Variants in REC114 observed in about 807,000 individuals in gnomAD.
The protein encoded by REC114 is REC114 meiotic recombination protein.
A neutral mutation model predicts 31.3 loss-of-function variants in REC114; 27 were observed. The ratio of observed to expected loss-of-function variants is 0.86; its 90% CI spans 0.64 to 1.19. REC114 has a LOEUF of 1.19. REC114 is among the 50% of genes most tolerant of loss of function. The pLI, the probability that REC114 is intolerant of heterozygous loss-of-function variation, is 0.00. For missense variants in REC114, 344 were observed against 326.9 expected, an observed-to-expected ratio of 1.05 and a Z score of -0.40; for synonymous variants, 134 against 127.7, an observed-to-expected ratio of 1.05 and a Z score of -0.33.
At chr15:73,506,580 T>C (rs1893680634) in intron 2 of REC114, among the ~76,000 whole-genome samples, 1 of 152,216 alleles carries the variant, frequency 6.6e-6, no homozygotes, top group Non-Finnish European at 1.5e-5. Context: ...GTAAATATGC[T>C]TGGTTTGCTG....
At position 73,540,562 on chromosome 15, in the gene REC114, G is replaced by A. The variant is rs769914170; in HGVS notation, c.327G>A (p.Thr109=). 3.1e-6 allele frequency: 5 copies of A among 1,611,730 alleles called. No individual in the cohort carries two copies. The South Asian group carries it at 4.4e-5, about 14-fold the overall frequency. ...TGGATTGTCTGTTGTTTGGAACAAC[G>A]ATAAAGGCAAGATTTAAGCTAATGA... ...RRVDCLLFGT[T]IKDKSRLFRV... is the part of the protein sequence containing the mutation. The change falls in exon 3 of 6, where the codon ACG becomes ACA. Residue 109 remains threonine (T), a synonymous_variant. Transcript: ENST00000331090.
At chr15:73,502,507 TAG>T (rs1893616737) in intron 2 of REC114, among the ~76,000 whole-genome samples, 1 of 152,204 alleles carries the variant, frequency 6.6e-6, no homozygotes, top group Non-Finnish European at 1.5e-5. Flanking sequence ...TAAATTAAGA[TAG>T]AGAAAATAAT....
intron 2 of REC114, among the ~76,000 whole-genome samples, chr15:73,487,245 T>G (rs1323960327): frequency 6.6e-6 from 1 of 152,190 alleles, no homozygotes; most frequent in East Asian, 1.9e-4. Flanking sequence ...ATATATTCAT[T>G]GCATCCCAGT....
chr15:73,484,079 GTGT>G (rs987030219), intron 2 of REC114: 4 of 152,180 alleles, frequency 2.6e-5, no homozygotes, highest in African/African-American at 9.7e-5. Context: ...TGTGGAATTG[GTGT>G]TGTTTTTTTA....
At chr15:73,556,187 C>G in intron 4 of REC114, 115 bp from the exon 5 acceptor site, 5 of 853,480 alleles carry the variant, frequency 5.9e-6, no homozygotes, top group Non-Finnish European at 9.1e-6. Context: ...ATTTTTATCA[C>G]TCTTAGTGGT....
At chr15:73,484,951 G>A (rs1333036922) in intron 2 of REC114, among the ~76,000 whole-genome samples, 1 of 152,152 alleles carries the variant, frequency 6.6e-6, no homozygotes, top group African/African-American at 2.4e-5. Flanking sequence ...TCCTATTTAA[G>A]TGAACTCTGA....
intron 2 of REC114, among the ~76,000 whole-genome samples, chr15:73,503,929 AT>A (rs1225065188): frequency 6.7e-6 from 1 of 149,824 alleles, no homozygotes; most frequent in Non-Finnish European, 1.5e-5. Flanking sequence ...TAAGTTTTAA[AT>A]TTTTATGTAG....
chr15:73,466,328 G>C (rs1227852712), intron 1 of REC114, among the ~76,000 whole-genome samples: 1 of 151,992 alleles, frequency 6.6e-6, no homozygotes, highest in Non-Finnish European at 1.5e-5. Context: ...TCTGAGGCAG[G>C]TGGATCACGA....
chr15:73,549,727 G>A (rs919992002), intron 3 of REC114, among the ~76,000 whole-genome samples: 4 of 152,064 alleles, frequency 2.6e-5, no homozygotes, highest in African/African-American at 4.8e-5. Context: ...AATGATAATG[G>A]ATGACTTTTA....
At chr15:73,482,711 T>G (rs1053614007) in intron 2 of REC114, among the ~76,000 whole-genome samples, 5 of 152,218 alleles carry the variant, frequency 3.3e-5, no homozygotes, top group Non-Finnish European at 7.3e-5. Flanking sequence ...TATAGGTATA[T>G]ACTACATTTT....
At chr15:73,490,463 C>T (rs1272382177) in intron 2 of REC114, among the ~76,000 whole-genome samples, 1 of 152,128 alleles carries the variant, frequency 6.6e-6, no homozygotes, top group African/African-American at 2.4e-5. Flanking sequence ...AATACCAGTG[C>T]TTTGGGAGGG....
intron 1 of REC114, among the ~76,000 whole-genome samples, chr15:73,471,740 T>C (rs1893135915): frequency 1.3e-5 from 2 of 152,276 alleles, no homozygotes; most frequent in Admixed American, 6.5e-5. Flanking sequence ...AACAGTATTA[T>C]TTGTAGTGAA....
chr15:73,541,673 T>G (rs553025302), intron 3 of REC114, among the ~76,000 whole-genome samples: 1 of 152,316 alleles, frequency 6.6e-6, no homozygotes, highest in African/African-American at 2.4e-5. Context: ...GGAAATTGAC[T>G]TAAGCCAATA....
chr15:73,499,963 AATAAT>A (rs1418983635), intron 2 of REC114, among the ~76,000 whole-genome samples: 1 of 152,196 alleles, frequency 6.6e-6, no homozygotes, highest in African/African-American at 2.4e-5. Flanking sequence ...AAGTAGAGAG[AATAAT>A]ATAATAAACC....
chr15:73,517,036 AC>A (rs1422140898), intron 2 of REC114, among the ~76,000 whole-genome samples: 1 of 152,108 alleles, frequency 6.6e-6, no homozygotes, highest in Non-Finnish European at 1.5e-5. Flanking sequence ...AGTTGAGAGA[AC>A]CTCACTAGGA....
intron 1 of REC114, among the ~76,000 whole-genome samples, chr15:73,448,207 G>A (rs112693366): frequency 0.014 from 2,114 of 152,258 alleles, 17 homozygotes; most frequent in Non-Finnish European, 0.019. Context: ...CTGGCTCAGC[G>A]GGTCCCACCC....
At chr15:73,555,019 G>A (rs1166540644) in intron 4 of REC114, among the ~76,000 whole-genome samples, 3 of 152,080 alleles carry the variant, frequency 2.0e-5, no homozygotes, top group Non-Finnish European at 4.4e-5. Context: ...TTGGCCCTTT[G>A]GCCATTTTGC....
intron 1 of REC114, among the ~76,000 whole-genome samples, chr15:73,451,821 G>A (rs556655309): frequency 6.6e-6 from 1 of 152,268 alleles, no homozygotes; most frequent in Non-Finnish European, 1.5e-5. Flanking sequence ...ATGCAAGGCT[G>A]GTTCAATGTA....
intron 2 of REC114, among the ~76,000 whole-genome samples, chr15:73,511,731 A>G (rs1289545678): frequency 5.6e-4 from 83 of 147,662 alleles, no homozygotes; most frequent in Admixed American, 1.6e-3. Context: ...CAGGTTGTTC[A>G]GTTTCCATGT....
Sources: gnomAD v4.1 joint callset for allele counts (sites outside exome capture counted in the v4.1 genomes callset) on GRCh38, gnomAD v4.1.1 for gene constraint, MANE v1.5 for transcripts, NCBI Gene and HGNC (gene_info 2026-07-23, HGNC 2026-07-21) for gene names.